The following LOC128462377 variants were observed in gnomAD, a reference collection of about 807,000 sequenced individuals.
At chr16:89,345,253 T>G in the LOC128462377 span, among the ~76,000 whole-genome samples, 66,133 of 116,756 alleles carry the variant, frequency 0.57, 15,691 homozygotes, top group African/African-American at 0.65. Context: ...AAGCCCCCCC[T>G]CCCCACCCCC....
At chr16:89,389,492 G>A in the LOC128462377 span, among the ~76,000 whole-genome samples, 54 of 152,226 alleles carry the variant, frequency 3.5e-4, 1 homozygote, top group East Asian at 1.9e-4. Context: ...ACATGAAATC[G>A]TGTAACTCAG....
At chr16:89,350,017 T>C in the LOC128462377 span, among the ~76,000 whole-genome samples, 1 of 151,976 alleles carries the variant, frequency 6.6e-6, no homozygotes, top group Non-Finnish European at 1.5e-5. Flanking sequence ...AAATGGCAGA[T>C]ATGAAAGTGA....
chr16:89,400,747 TGGGG>T, the LOC128462377 span, among the ~76,000 whole-genome samples: 1 of 72,094 alleles, frequency 1.4e-5, no homozygotes, highest in Admixed American at 1.2e-4. Flanking sequence ...TTCCCTGCGC[TGGGG>T]GATGGTCATC....
At chr16:89,358,886 T>C in the LOC128462377 span, among the ~76,000 whole-genome samples, 1 of 152,126 alleles carries the variant, frequency 6.6e-6, no homozygotes, top group South Asian at 2.1e-4. Flanking sequence ...AGCGCAGTGG[T>C]GCGATCATGG....
At chr16:89,318,954 AC>A in the LOC128462377 span, among the ~76,000 whole-genome samples, 1 of 152,144 alleles carries the variant, frequency 6.6e-6, no homozygotes, top group Admixed American at 6.5e-5. Flanking sequence ...ATTTTCCACC[AC>A]AAAACCGGAA....
the LOC128462377 span, among the ~76,000 whole-genome samples, chr16:89,334,053 T>A: frequency 1.4e-5 from 2 of 147,388 alleles, no homozygotes; most frequent in Non-Finnish European, 3.0e-5. Context: ...GGCTCAAGCC[T>A]GTAAAACAAG....
At chr16:89,371,395 C>T in the LOC128462377 span, among the ~76,000 whole-genome samples, 3 of 152,226 alleles carry the variant, frequency 2.0e-5, no homozygotes, top group South Asian at 6.2e-4. Flanking sequence ...TAAATCAAGT[C>T]ATTCCCTGCA....
At chr16:89,347,200 C>G in the LOC128462377 span, among the ~76,000 whole-genome samples, 4 of 152,194 alleles carry the variant, frequency 2.6e-5, no homozygotes, top group Non-Finnish European at 1.5e-5. Context: ...ACAGCAGCAC[C>G]TGGGTGAGGG....
At chr16:89,391,568 C>T in the LOC128462377 span, among the ~76,000 whole-genome samples, 1 of 152,204 alleles carries the variant, frequency 6.6e-6, no homozygotes, top group African/African-American at 2.4e-5. Flanking sequence ...AAGGAAAAAT[C>T]TGAGTTTTCC....
chr16:89,409,365 G>T, the LOC128462377 span, among the ~76,000 whole-genome samples: 3 of 152,226 alleles, frequency 2.0e-5, no homozygotes, highest in Admixed American at 1.3e-4. Flanking sequence ...ATCAACAGGG[G>T]TGGGGTGGGA....
At chr16:89,331,482 G>C in the LOC128462377 span, among the ~76,000 whole-genome samples, 1 of 152,206 alleles carries the variant, frequency 6.6e-6, no homozygotes, top group East Asian at 1.9e-4. Flanking sequence ...GAATCTTAGT[G>C]TGTAGACCCT....
the LOC128462377 span, among the ~76,000 whole-genome samples, chr16:89,415,829 C>CAAAAAAAAAAAAACAAAA: frequency 2.5e-5 from 1 of 39,744 alleles, no homozygotes; most frequent in East Asian, 9.0e-4. Context: ...GACTCTGTCT[C>CAAAAAAAAAAAAACAAAA]AAAAAAAAAA....
chr16:89,379,030 T>C, the LOC128462377 span, among the ~76,000 whole-genome samples: 1 of 152,238 alleles, frequency 6.6e-6, no homozygotes, highest in Admixed American at 6.5e-5. Flanking sequence ...CAAGCCGGGC[T>C]GAGGCATTCA....
At chr16:89,365,929 T>A in the LOC128462377 span, among the ~76,000 whole-genome samples, 1 of 152,082 alleles carries the variant, frequency 6.6e-6, no homozygotes, top group African/African-American at 2.4e-5. Context: ...TCTCATCATT[T>A]CGTTCCCATT....
chr16:89,368,274 C>T, the LOC128462377 span, among the ~76,000 whole-genome samples: 2 of 151,668 alleles, frequency 1.3e-5, no homozygotes, highest in African/African-American at 4.8e-5. Flanking sequence ...CGGCTCACTG[C>T]AACCTCCGCC....
At chr16:89,414,434 C>T in the LOC128462377 span, among the ~76,000 whole-genome samples, 78 of 152,260 alleles carry the variant, frequency 5.1e-4, no homozygotes, top group African/African-American at 1.8e-3. Context: ...GCAGCCGCAC[C>T]GCCTGAGAGG....
chr16:89,399,563 T>C, the LOC128462377 span, among the ~76,000 whole-genome samples: 1 of 152,124 alleles, frequency 6.6e-6, no homozygotes, highest in Non-Finnish European at 1.5e-5. Context: ...GTGAAACTAC[T>C]CTGTATGATA....
chr16:89,319,045 G>A, the LOC128462377 span, among the ~76,000 whole-genome samples: 53 of 152,352 alleles, frequency 3.5e-4, no homozygotes, highest in African/African-American at 1.2e-3. Context: ...AAACTCAGTG[G>A]TAATGTTTAC....
chr16:89,386,141 G>T, the LOC128462377 span, among the ~76,000 whole-genome samples: 1 of 152,152 alleles, frequency 6.6e-6, no homozygotes, highest in South Asian at 2.1e-4. Context: ...TACAGATTAA[G>T]AAAATACAAT....
Sources: allele counts gnomAD v4.1 joint callset (sites outside exome capture counted in the v4.1 genomes callset), GRCh38; gene constraint gnomAD v4.1.1; transcripts MANE v1.5.